Variants in APP observed in about 807,000 individuals in gnomAD.
APP encodes amyloid-beta precursor protein.
APP carries 31 observed loss-of-function variants against 101.4 expected under a neutral mutation model. The observed-to-expected ratio is 0.31, with a 90% CI of 0.23 to 0.41. APP has a LOEUF of 0.41. Among genes scored for constraint, APP ranks in the 10% least tolerant of loss-of-function variants. APP has a pLI of 1.00. For synonymous variants in APP, 366 were observed against 364.4 expected (o/e 1.00, Z -0.05); for missense variants, 839 against 1,003.7 (o/e 0.84, Z 2.22).
intron 13 of APP, among the ~76,000 whole-genome samples, chr21:25,940,974 T>C (rs73899721): frequency 0.068 from 10,364 of 152,224 alleles, 1,173 homozygotes; most frequent in African/African-American, 0.24. Context: ...AGGACCACAC[T>C]TGGAGAACCA....
chr21:26,025,230 G>T lies in APP; in HGVS notation c.663-3188C>A, dbSNP rs185891143. Among the ~76,000 whole-genome samples, 226 of 152,240 alleles carry T rather than the reference G, an allele frequency of 1.5e-3. 2 individuals are homozygous for T. The highest frequency in any genetic ancestry group is 1.9e-4 in the East Asian group (1 of 5,188). On this transcript the variant is annotated intron_variant, in intron 5 of 17. Transcript: ENST00000346798. Reference sequence around the variant, plus strand: ...GCTTCTGCCTTTGCATTTTTCTGTAGGATCTCACTGTTGTATTACTGGTGA... The same window carrying T: ...GCTTCTGCCTTTGCATTTTTCTGTATGATCTCACTGTTGTATTACTGGTGA...
chr21:25,970,091 A>T (rs2041974018), intron 11 of APP, among the ~76,000 whole-genome samples: 1 of 152,092 alleles, frequency 6.6e-6, no homozygotes, highest in Non-Finnish European at 1.5e-5. Context: ...AATCAACAAC[A>T]GTGATCTGAT....
chr21:25,881,575 G>A lies in APP; in HGVS notation c.*95C>T. 1 of 1,390,152 alleles carries A rather than the reference G, an allele frequency of 7.2e-7. No individual in the cohort carries two copies. Among genetic ancestry groups the A allele is most frequent in the Non-Finnish European group, 1.0e-6 (1 of 981,406 alleles). 86.1% of individuals were successfully genotyped at this position (1,390,152 alleles called of 1,614,324 possible). A position where few individuals can be genotyped will look rare whatever the true frequency, so the allele number is the denominator to read the frequency against. ...CGATAATGAGTAAATCATAAAACGG[G>A]TTTGTTTCTTCCCACATTATTCTAT... On this transcript the variant is annotated 3_prime_UTR_variant, in exon 18 of 18. Coordinates refer to ENST00000346798, the MANE Select transcript of APP (RefSeq NM_000484.4).
At chr21:26,014,993 T>A (rs1341538763) in intron 6 of APP, among the ~76,000 whole-genome samples, 1 of 152,186 alleles carries the variant, frequency 6.6e-6, no homozygotes, top group Non-Finnish European at 1.5e-5. Context: ...TACTATCTTA[T>A]CCAATTTTCA....
chr21:26,109,055 C>T (rs1185768927), intron 2 of APP, among the ~76,000 whole-genome samples: 2 of 152,112 alleles, frequency 1.3e-5, no homozygotes, highest in African/African-American at 4.8e-5. Flanking sequence ...TGGTGTGTAT[C>T]ATCCAACAAG....
intron 3 of APP, among the ~76,000 whole-genome samples, chr21:26,078,765 G>A (rs1468749338): frequency 6.6e-6 from 1 of 152,172 alleles, no homozygotes; most frequent in African/African-American, 2.4e-5. Flanking sequence ...ATCAAACTCG[G>A]CAGGGTGTGG....
intron 3 of APP, among the ~76,000 whole-genome samples, chr21:26,058,564 A>C (rs1423612052): frequency 6.6e-6 from 1 of 152,238 alleles, no homozygotes; most frequent in Non-Finnish European, 1.5e-5. Flanking sequence ...ATTCAGAGTA[A>C]AAAGTACTGC....
At chr21:25,881,822 G>T (rs2037005483) in intron 17 of APP, 51 bp from the exon 18 acceptor site, 2 of 1,542,688 alleles carry the variant, frequency 1.3e-6, no homozygotes, top group African/African-American at 2.7e-5. Flanking sequence ...ATCTTTTAAG[G>T]GTGAACATGG....
chr21:25,963,459 C>T (rs1185798045), intron 11 of APP, among the ~76,000 whole-genome samples: 1 of 152,128 alleles, frequency 6.6e-6, no homozygotes, highest in Non-Finnish European at 1.5e-5. Context: ...GGGCATAATC[C>T]TGCCAAGAAG....
At chr21:26,034,123 T>C (rs866646009) in intron 5 of APP, among the ~76,000 whole-genome samples, 3 of 152,170 alleles carry the variant, frequency 2.0e-5, no homozygotes, top group South Asian at 2.1e-4. Flanking sequence ...AGACCACAGA[T>C]AATAGACCAG....
intron 3 of APP, among the ~76,000 whole-genome samples, chr21:26,075,621 G>GACT (rs909219350): frequency 3.3e-5 from 5 of 152,134 alleles, no homozygotes; most frequent in African/African-American, 1.2e-4. Flanking sequence ...GCGTAACAAG[G>GACT]ACTAAGAAAG....
rs547689682 is a variant in APP, at chr21:26,016,312, C to T, written c.865+5528G>A. Among the ~76,000 whole-genome samples the T allele has an allele frequency of 1.1e-4, 17 of 152,262 alleles. No individual in the cohort carries two copies. The East Asian group carries it at 2.9e-3, about 26-fold the overall frequency. On this transcript the variant is annotated intron_variant, in intron 6 of 17. Coordinates refer to ENST00000346798, the MANE Select transcript of APP (RefSeq NM_000484.4). ...CCTCCCAAAGTGCTGGGATTACAGG[C>T]GTGAGCCACAGCGCCAGCCTGATCA...
At chr21:26,084,754 CTG>C (rs1479197600) in intron 3 of APP, among the ~76,000 whole-genome samples, 1 of 152,130 alleles carries the variant, frequency 6.6e-6, no homozygotes, top group Non-Finnish European at 1.5e-5. Context: ...ATGATTAATG[CTG>C]CTTAAATTTT....
chr21:26,039,843 A>C (rs2045291829), intron 5 of APP, among the ~76,000 whole-genome samples: 1 of 152,042 alleles, frequency 6.6e-6, no homozygotes, highest in Non-Finnish European at 1.5e-5. Context: ...TAAATATATA[A>C]AATGAATTGC....
At chr21:25,892,354 T>G (rs1304926522) in intron 16 of APP, among the ~76,000 whole-genome samples, 1 of 152,212 alleles carries the variant, frequency 6.6e-6, no homozygotes, top group Non-Finnish European at 1.5e-5. Context: ...GAGACTTAGG[T>G]GTTTTTCAAC....
intron 1 of APP, among the ~76,000 whole-genome samples, chr21:26,122,064 T>C (rs1026962592): frequency 6.6e-6 from 1 of 152,238 alleles, no homozygotes; most frequent in Non-Finnish European, 1.5e-5. Context: ...GAGTTGCTGA[T>C]ATACTTGGAC....
At chr21:25,977,485 A>T (rs2042266849) in intron 9 of APP, among the ~76,000 whole-genome samples, 2 of 152,222 alleles carry the variant, frequency 1.3e-5, no homozygotes, top group South Asian at 4.1e-4. Context: ...ATACTTCAAG[A>T]TGGGAAAGAA....
intron 11 of APP, among the ~76,000 whole-genome samples, chr21:25,966,230 A>G (rs142587596): frequency 1.1e-4 from 16 of 152,330 alleles, no homozygotes; most frequent in Non-Finnish European, 1.9e-4. Context: ...CATGTATACC[A>G]TTCAGCATAG....
At chr21:26,053,117 G>GT in intron 4 of APP, 119 bp downstream of exon 4, 1 of 838,542 alleles carries the variant, frequency 1.2e-6, no homozygotes, top group Non-Finnish European at 2.1e-6. Flanking sequence ...GTAGCACTGG[G>GT]TTTTTTTCTT....
Sources: gnomAD v4.1 joint callset for allele counts (sites outside exome capture counted in the v4.1 genomes callset) on GRCh38, gnomAD v4.1.1 for gene constraint, MANE v1.5 for transcripts, NCBI Gene and HGNC (gene_info 2026-07-23, HGNC 2026-07-21) for gene names.